Variants in ITPR2 observed in about 807,000 individuals in gnomAD.
The protein encoded by ITPR2 is inositol 1,4,5-trisphosphate receptor type 2.
A neutral mutation model predicts 317.1 loss-of-function variants in ITPR2; 207 were observed. The observed-to-expected ratio is 0.65, with a 90% CI of 0.58 to 0.73. The LOEUF (loss-of-function observed/expected upper bound fraction) is 0.73, where lower values mean the gene tolerates loss of function less well. Among genes scored for constraint, ITPR2 ranks in the 30% least tolerant of loss-of-function variants. The pLI, the probability that ITPR2 is intolerant of heterozygous loss-of-function variation, is 0.00. For synonymous variants in ITPR2, 1,156 were observed against 1,149.1 expected (o/e 1.01, Z -0.12); for missense variants, 2,613 against 3,284.0 (o/e 0.80, Z 4.99).
At chr12:26,488,339 C>T (rs1942719772) in intron 39 of ITPR2, among the ~76,000 whole-genome samples, 1 of 151,918 alleles carries the variant, frequency 6.6e-6, no homozygotes, top group Non-Finnish European at 1.5e-5. Context: ...AATATAAGAA[C>T]ATTTAAACAG....
chr12:26,567,985 TA>T (rs1293483112), intron 34 of ITPR2, among the ~76,000 whole-genome samples: 1 of 13,936 alleles, frequency 7.2e-5, no homozygotes, highest in Non-Finnish European at 3.3e-4. Flanking sequence ...ATATTATATA[TA>T]TATATATATA....
chr12:26,786,548 G>A (rs2137202006), intron 2 of ITPR2, among the ~76,000 whole-genome samples: 1 of 151,406 alleles, frequency 6.6e-6, no homozygotes, highest in South Asian at 2.1e-4. Flanking sequence ...TCAATCTATT[G>A]TATGGTTTCT....
intron 9 of ITPR2, among the ~76,000 whole-genome samples, chr12:26,702,824 T>C (rs1237752227): frequency 1.3e-5 from 2 of 152,218 alleles, no homozygotes; most frequent in Non-Finnish European, 2.9e-5. Context: ...TTAGCTTTAC[T>C]ATCTTGCAGG....
At chr12:26,412,070 A>G (rs991357834) in intron 51 of ITPR2, among the ~76,000 whole-genome samples, 4 of 152,212 alleles carry the variant, frequency 2.6e-5, no homozygotes, top group Non-Finnish European at 5.9e-5. Context: ...TGTTAGTAAC[A>G]CATATGAAGT....
chr12:26,789,463 T>C (rs1183759893), intron 2 of ITPR2, among the ~76,000 whole-genome samples: 1 of 152,228 alleles, frequency 6.6e-6, no homozygotes, highest in East Asian at 1.9e-4. Flanking sequence ...TGAGAATGAA[T>C]GGTTATACAT....
rs1034223787 is a variant in ITPR2 at position 26,654,094 on chromosome 12, A to G, written c.2622T>C (p.Phe874=). The G allele has an allele frequency of 2.9e-5, 46 of 1,572,648 alleles. No individual in the cohort carries two copies. Among genetic ancestry groups the G allele is most frequent in the Non-Finnish European group, 3.8e-5 (44 of 1,165,114 alleles). The part of the protein sequence containing the change: ...VVHLARNLIY[F]GFYSFSELLR... ...ATAACTCACTGAAACTATAAAATCC[A>G]AAGTATATAAGATTCCGAGCCAAGT... The change falls in exon 21 of 57, where the codon TTT becomes TTC. Residue 874 remains phenylalanine (F), a synonymous_variant. Coordinates refer to ENST00000381340, the MANE Select transcript of ITPR2 (RefSeq NM_002223.4).
At chr12:26,510,361 C>G (rs1428516981) in intron 37 of ITPR2, among the ~76,000 whole-genome samples, 4 of 152,062 alleles carry the variant, frequency 2.6e-5, no homozygotes, top group Admixed American at 2.0e-4. Flanking sequence ...ATTTGCCAAC[C>G]ATTTCAGAAT....
intron 26 of ITPR2, among the ~76,000 whole-genome samples, chr12:26,616,581 T>C (rs1014555974): frequency 3.3e-5 from 5 of 152,218 alleles, no homozygotes; most frequent in African/African-American, 1.2e-4. Context: ...AAGAAAATTA[T>C]ACCACCAATT....
intron 3 of ITPR2, among the ~76,000 whole-genome samples, chr12:26,725,042 T>C (rs1040892076): frequency 1.3e-5 from 2 of 152,162 alleles, no homozygotes; most frequent in Admixed American, 6.6e-5. Flanking sequence ...GATTTGTCAA[T>C]GTATGCTGAA....
At chr12:26,673,663 C>T (rs974989875) in intron 13 of ITPR2, among the ~76,000 whole-genome samples, 2 of 151,402 alleles carry the variant, frequency 1.3e-5, no homozygotes, top group East Asian at 1.9e-4. Flanking sequence ...CTCACCACTC[C>T]TATTCAACAT....
At chr12:26,491,647 A>G (rs566673183) in intron 39 of ITPR2, among the ~76,000 whole-genome samples, 47 of 152,120 alleles carry the variant, frequency 3.1e-4, no homozygotes, top group African/African-American at 1.1e-3. Flanking sequence ...GCAGGAATTG[A>G]AAATAATAGA....
intron 37 of ITPR2, among the ~76,000 whole-genome samples, chr12:26,540,191 C>CTT (rs1323545131): frequency 1.3e-5 from 2 of 152,122 alleles, no homozygotes; most frequent in South Asian, 2.1e-4. Flanking sequence ...GAGTTTCTAA[C>CTT]TTATTTAAAA....
At chr12:26,665,758 C>A in intron 14 of ITPR2, 152 bp downstream of exon 14, 1 of 683,418 alleles carries the variant, frequency 1.5e-6, no homozygotes, top group East Asian at 2.8e-5. Context: ...GATCACTACT[C>A]CACAGAAACT....
At chr12:26,394,686 C>CT (rs953925753) in intron 54 of ITPR2, among the ~76,000 whole-genome samples, 5 of 152,024 alleles carry the variant, frequency 3.3e-5, no homozygotes, top group Admixed American at 3.3e-4. Flanking sequence ...TTATTGATGG[C>CT]TTTTTGAGTA....
intron 7 of ITPR2, 68 bp downstream of exon 7, chr12:26,715,684 T>C (rs1948728442): frequency 9.6e-7 from 1 of 1,038,188 alleles, no homozygotes; most frequent in Non-Finnish European, 1.5e-6. Flanking sequence ...ACATAGGTTT[T>C]GCATCTAGAA....
chr12:26,743,519 T>C (rs936904542), intron 2 of ITPR2, among the ~76,000 whole-genome samples: 5 of 152,322 alleles, frequency 3.3e-5, no homozygotes, highest in African/African-American at 1.2e-4. Flanking sequence ...CATTATTAGA[T>C]GTAAATCCCT....
chr12:26,353,986 G>GT, intron 55 of ITPR2, among the ~76,000 whole-genome samples: 1 of 152,084 alleles, frequency 6.6e-6, no homozygotes, highest in Non-Finnish European at 1.5e-5. Context: ...ATTAAAAACT[G>GT]TTTTGGGCCA....
At chr12:26,737,403 G>A (rs1949143457) in intron 2 of ITPR2, among the ~76,000 whole-genome samples, 1 of 151,928 alleles carries the variant, frequency 6.6e-6, no homozygotes, top group African/African-American at 2.4e-5. Context: ...TTACAGGCAC[G>A]CCCTACGACG....
At chr12:26,814,576 C>T (rs1312662811) in intron 1 of ITPR2, among the ~76,000 whole-genome samples, 1 of 152,146 alleles carries the variant, frequency 6.6e-6, no homozygotes, top group African/African-American at 2.4e-5. Flanking sequence ...TCAGACTTCA[C>T]CATCAAGAAT....
Sources: gnomAD v4.1 joint callset for allele counts (sites outside exome capture counted in the v4.1 genomes callset) on GRCh38, gnomAD v4.1.1 for gene constraint, MANE v1.5 for transcripts, NCBI Gene and HGNC (gene_info 2026-07-23, HGNC 2026-07-21) for gene names.